RPL32: variants seen among roughly 807,000 people sequenced by gnomAD.
RPL32 encodes ribosomal protein L32.
For missense variants in RPL32, 117 were observed against 173.7 expected (o/e 0.67, Z 1.83); for synonymous variants, 61 against 62.6 (o/e 0.98, Z 0.12).
chr3:12,835,753 G>A lies in RPL32; in HGVS notation c.*341C>T, dbSNP rs1206517872. On this transcript the variant is annotated 3_prime_UTR_variant, in exon 4 of 4. Transcript: ENST00000429711. Reference sequence around the variant, plus strand: ...TAACTTGTCACCTAACTTTACAAAAGCAAGGCTAAGAATGACTACTTGTGG... The same window carrying A: ...TAACTTGTCACCTAACTTTACAAAAACAAGGCTAAGAATGACTACTTGTGG... 4.8e-6 allele frequency: 1 copy of A among 206,672 alleles called. No homozygotes were observed. The highest frequency in any genetic ancestry group is 9.7e-6 in the Non-Finnish European group (1 of 102,614). 12.8% of individuals were successfully genotyped at this position (206,672 alleles called of 1,614,324 possible).
intron 3 of RPL32, among the ~76,000 whole-genome samples, chr3:12,838,498 G>A (rs776056407): frequency 6.8e-6 from 1 of 147,760 alleles, no homozygotes; most frequent in Non-Finnish European, 1.5e-5. Context: ...AGCACTCTCT[G>A]CCTGCCAAGT....
At chr3:12,837,399 A>G (rs1371790854) in intron 3 of RPL32, among the ~76,000 whole-genome samples, 1 of 152,260 alleles carries the variant, frequency 6.6e-6, no homozygotes, top group Admixed American at 6.5e-5. Flanking sequence ...TTAGAGATCA[A>G]ACGTCAAAGA....
chr3:12,835,896 G>C lies in RPL32; in HGVS notation c.*198C>G, dbSNP rs2062095487. The stretch of plus-strand genomic sequence containing the variant: ...ACTAAGGCTAGTCTGTGCACTTGAG[G>C]CCACATTCCCCTGTTCAAGGACTGA... On this transcript the variant is annotated 3_prime_UTR_variant, in exon 4 of 4. Coordinates refer to ENST00000429711, the MANE Select transcript of RPL32 (RefSeq NM_000994.4). 3.2e-6 allele frequency: 2 copies of C among 620,070 alleles called. No individual in the cohort carries two copies. Among genetic ancestry groups the C allele is most frequent in the East Asian group, 3.0e-5 (1 of 33,280 alleles). 38.4% of individuals were successfully genotyped at this position (620,070 alleles called of 1,614,324 possible). A position where few individuals can be genotyped will look rare whatever the true frequency, so the allele number is the denominator to read the frequency against.
chr3:12,835,862 C>A lies in RPL32; in HGVS notation c.*232G>T. ...CTGTACCCCTCATACCCAGCCTCAA[C>A]TGGAGATGACTAAGGCTAGTCTGTG... On this transcript the variant is annotated 3_prime_UTR_variant, in exon 4 of 4. Transcript: ENST00000429711. 3.8e-6 allele frequency: 2 copies of A among 522,906 alleles called. No homozygotes were observed. The highest frequency in any genetic ancestry group is 6.8e-6 in the Non-Finnish European group (2 of 291,986). The allele number at this position is 522,906 out of a possible 1,614,324, so 32.4% of individuals were successfully genotyped here.
chr3:12,840,084 A>C lies in RPL32; in HGVS notation c.96+58T>G, dbSNP rs1037851394. On this transcript the variant is annotated intron_variant, in intron 2 of 3. Transcript: ENST00000429711. Reference sequence around the variant, plus strand: ...GATAATCCTGACTAGGTGATGTCAGAAACTGTTGGAAACTCTTTTCTTCAC... The same window carrying C: ...GATAATCCTGACTAGGTGATGTCAGCAACTGTTGGAAACTCTTTTCTTCAC... The C allele has an allele frequency of 6.1e-6, 7 of 1,153,286 alleles. No homozygotes were observed. The Admixed American group carries it at 1.3e-4, about 21-fold the overall frequency. 71.4% of individuals were successfully genotyped at this position (1,153,286 alleles called of 1,614,324 possible).
At chr3:12,837,433 T>A (rs905776942) in intron 3 of RPL32, among the ~76,000 whole-genome samples, 12 of 152,262 alleles carry the variant, frequency 7.9e-5, no homozygotes, top group Admixed American at 7.8e-4. Context: ...TCTTAAAGAC[T>A]GCCAAGCTGC....
In RPL32 at chr3:12,836,043, CA is replaced by C; in HGVS notation, c.*50del. ...ACTTAAAATCAAGGAAGGAAGATGCCAGATGGCAGTTTTTACATTTATTTAA... is the reference window on the plus strand; with the variant it reads ...ACTTAAAATCAAGGAAGGAAGATGCCGATGGCAGTTTTTACATTTATTTAA... On this transcript the variant is annotated 3_prime_UTR_variant, in exon 4 of 4. Coordinates refer to ENST00000429711, the MANE Select transcript of RPL32 (RefSeq NM_000994.4). The C allele has an allele frequency of 6.3e-7, 1 of 1,599,186 alleles. No individual in the cohort carries two copies. The highest frequency in any genetic ancestry group is 1.3e-5 in the African/African-American group (1 of 74,726).
chr3:12,839,991 C>G (rs1575790331), intron 2 of RPL32, 151 bp downstream of exon 2: 1 of 725,126 alleles, frequency 1.4e-6, no homozygotes, highest in Non-Finnish European at 2.4e-6. Context: ...AGTACCAGCA[C>G]TAGGGCACAC....
rs1575790947 is a variant in RPL32, at chr3:12,840,645, A to C, written c.-5-403T>G. On this transcript the variant is annotated intron_variant, in intron 1 of 3. Transcript: ENST00000429711. ...GAGTCTTTTCCTCACCTGTAAAATG[A>C]AGATGACACTGCGCGCTGAATGCCT... is the stretch of plus-strand genomic sequence containing the variant. 3 of 406,744 alleles carry C rather than the reference A, an allele frequency of 7.4e-6. No individual in the cohort carries two copies. The East Asian group carries it at 1.8e-4, about 25-fold the overall frequency. 25.2% of individuals were successfully genotyped at this position (406,744 alleles called of 1,614,324 possible).
rs755226586 is a variant in RPL32, at chr3:12,840,207, T to G, written c.31A>C (p.Lys11Gln). 1.9e-6 allele frequency: 3 copies of G among 1,614,022 alleles called. No homozygotes were observed. The highest frequency in any genetic ancestry group is 1.7e-6 in the Non-Finnish European group (2 of 1,179,910). ...TTCTTGGTTCTCTTTTTGACGATCT[T>G]GGGCTTCACAAGGGGTCTGAGGGCG... The part of the protein sequence containing the change: MAALRPLVKP[K>Q]IVKKRTKKFI... The change falls in exon 2 of 4, where the codon AAG becomes CAG. Residue 11 changes from lysine (K) to glutamine (Q), a missense_variant. Lys to Gln is a moderately conservative substitution (Grantham distance 53). Coordinates refer to ENST00000429711, the MANE Select transcript of RPL32 (RefSeq NM_000994.4).
Position 12,840,228 on chromosome 3 carries a change from G to T in RPL32, c.10C>A (p.Leu4Ile), listed in dbSNP as rs1231087613. MAA[L>I]RPLVKPKIVK... ...ATCTTGGGCTTCACAAGGGGTCTGA[G>T]GGCGGCCATGATGCCTTTTGGGGAA... is the stretch of plus-strand genomic sequence containing the variant. The change falls in exon 2 of 4, where the codon CTC becomes ATC. Residue 4 changes from leucine (L) to isoleucine (I), a missense_variant. Physicochemically the swap from Leu to Ile is conservative, Grantham distance 5. Transcript: ENST00000429711. 6.2e-7 allele frequency: 1 copy of T among 1,613,798 alleles called. No homozygotes were observed. Among genetic ancestry groups the T allele is most frequent in the South Asian group, 1.1e-5 (1 of 91,080 alleles).
intron 2 of RPL32, 148 bp downstream of exon 2, chr3:12,839,994 G>C: frequency 1.4e-6 from 1 of 727,124 alleles, no homozygotes; most frequent in African/African-American, 1.7e-5. Flanking sequence ...ACCAGCACTA[G>C]GGCACACTGG....
chr3:12,838,630 G>A (rs1438913829), intron 3 of RPL32, among the ~76,000 whole-genome samples: 6 of 151,740 alleles, frequency 4.0e-5, no homozygotes, highest in African/African-American at 1.2e-4. Flanking sequence ...ACCTTCTCCC[G>A]CTTGTAAGCC....
intron 3 of RPL32, among the ~76,000 whole-genome samples, chr3:12,838,192 A>G (rs1420558778): frequency 6.6e-6 from 1 of 152,234 alleles, no homozygotes; most frequent in Non-Finnish European, 1.5e-5. Flanking sequence ...AGACCGCTTA[A>G]GGTCATGAGT....
rs1008919791 is a variant in RPL32 at position 12,834,752 on chromosome 3, C to T, written c.*1342G>A. The stretch of plus-strand genomic sequence containing the variant: ...AGGACAAAGAAATACAAGTGGCAGG[C>T]CCAAGTATTTTCTGTGATATCCCAG... On this transcript the variant is annotated 3_prime_UTR_variant, in exon 4 of 4. Coordinates refer to ENST00000429711, the MANE Select transcript of RPL32 (RefSeq NM_000994.4). 5.3e-5 allele frequency: 8 copies of T among 152,168 alleles called. No homozygotes were observed. Among genetic ancestry groups the T allele is most frequent in the Non-Finnish European group, 1.0e-4 (7 of 68,044 alleles). 9.4% of individuals were successfully genotyped at this position (152,168 alleles called of 1,614,324 possible).
At chr3:12,839,263 C>T (rs1317916651) in intron 3 of RPL32, 86 bp downstream of exon 3, 1 of 1,297,496 alleles carries the variant, frequency 7.7e-7, no homozygotes, top group Non-Finnish European at 1.1e-6. Context: ...AAAATGCATC[C>T]CAAGAGTTTG....
chr3:12,839,678 T>C, intron 2 of RPL32, 148 bp from the exon 3 acceptor site: 6 of 831,396 alleles, frequency 7.2e-6, no homozygotes, highest in Non-Finnish European at 9.8e-6. Context: ...CCTTACTTTT[T>C]TGGTGGGAAA....
chr3:12,837,575 C>T (rs2062109100), intron 3 of RPL32, among the ~76,000 whole-genome samples: 1 of 152,066 alleles, frequency 6.6e-6, no homozygotes, highest in South Asian at 2.1e-4. Flanking sequence ...ACCATTAATT[C>T]CTTCGCCCAT....
At position 12,839,930 on chromosome 3, in the gene RPL32, G is replaced by C. The variant is rs539656031; in HGVS notation, c.96+212C>G. On this transcript the variant is annotated intron_variant, in intron 2 of 3. Coordinates refer to ENST00000429711, the MANE Select transcript of RPL32 (RefSeq NM_000994.4). ...CAAAGCCCTCTGAACACATCAAAAC[G>C]GCCAAATGTCCCTTTTCATTAAAGT... 1.2e-4 allele frequency among the ~76,000 whole-genome samples: 19 copies of C among 152,200 alleles called. No homozygotes were observed. In the South Asian group the frequency reaches 3.7e-3, roughly 30 times the overall value.
Sources: gnomAD v4.1 joint callset for allele counts (sites outside exome capture counted in the v4.1 genomes callset) on GRCh38, gnomAD v4.1.1 for gene constraint, MANE v1.5 for transcripts, NCBI Gene and HGNC (gene_info 2026-07-23, HGNC 2026-07-21) for gene names.